ZNF614: variants seen among roughly 807,000 people sequenced by gnomAD.
ZNF614 encodes the protein zinc finger protein 614.
Under a neutral mutation model 12.8 loss-of-function variants are expected in ZNF614, and 11 were observed. The observed-to-expected ratio is 0.86, with a 90% CI of 0.54 to 1.43. The LOEUF is 1.43. Among genes scored for constraint, ZNF614 ranks in the 40% most tolerant of loss-of-function variants. The pLI, the probability that ZNF614 is intolerant of heterozygous loss-of-function variation, is 0.00. For missense variants in ZNF614, 664 were observed against 708.8 expected (o/e 0.94, Z 0.72); for synonymous variants, 237 against 237.5 (o/e 1.00, Z 0.02).
Position 52,015,750 on chromosome 19 carries a change from T to C in ZNF614, c.*90A>G. The C allele has an allele frequency of 8.0e-7, 1 of 1,250,044 alleles. No individual in the cohort carries two copies. The highest frequency in any genetic ancestry group is 1.1e-6 in the Non-Finnish European group (1 of 894,522). The allele number at this position is 1,250,044 out of a possible 1,614,324, so 77.4% of individuals were successfully genotyped here. Reference sequence around the variant, plus strand: ...GCACCATGTTTATGTTCCAATTGGCTAGAAACACACTGATGTTTAATGAAG... The same window carrying C: ...GCACCATGTTTATGTTCCAATTGGCCAGAAACACACTGATGTTTAATGAAG... On this transcript the variant is annotated 3_prime_UTR_variant, in exon 5 of 5. Coordinates refer to ENST00000270649, the MANE Select transcript of ZNF614 (RefSeq NM_025040.4).
rs1306326961 is a variant in ZNF614, at chr19:52,013,809, A to G, written c.*2031T>C. On this transcript the variant is annotated 3_prime_UTR_variant, in exon 5 of 5. Transcript: ENST00000270649. ...CATGTAATACAACTTCTTAGAGTAC[A>G]AACTAAAAAAGAAAAAAACATGTAA... 6.6e-6 allele frequency: 1 copy of G among 152,050 alleles called. No homozygotes were observed. Among genetic ancestry groups the G allele is most frequent in the Non-Finnish European group, 1.5e-5 (1 of 68,040 alleles). 9.4% of individuals were successfully genotyped at this position (152,050 alleles called of 1,614,324 possible).
chr19:52,028,053 C>A (rs112979974), intron 1 of ZNF614, among the ~76,000 whole-genome samples, 189 bp downstream of exon 1: 2 of 152,334 alleles, frequency 1.3e-5, no homozygotes, highest in Non-Finnish European at 2.9e-5. Flanking sequence ...TCACAAGGGC[C>A]CCAGACCCAG....
rs1257329004 is a variant in ZNF614 at position 52,016,702 on chromosome 19, T to C, written c.896A>G (p.Lys299Arg). 1.3e-5 allele frequency: 21 copies of C among 1,614,200 alleles called. No individual in the cohort carries two copies. The highest frequency in any genetic ancestry group is 1.8e-5 in the Non-Finnish European group (21 of 1,180,042). Residue 299 changes from lysine to arginine, a missense_variant, in exon 5 of 5, where the codon AAG (lysine) becomes AGG (arginine). By Grantham distance (26) the Lys-to-Arg change is conservative. Transcript: ENST00000270649. The stretch of plus-strand genomic sequence containing the variant: ...TCGCTGATGAGCAATTAGATAGCGC[T>C]TCATTGTAAAGCCCTTTCCACACTC... ...CSECGKGFTMKRYLIAHQRTH... is the reference protein window; with the variant it reads ...CSECGKGFTMRRYLIAHQRTH...
rs780387130 is a variant in ZNF614 at position 52,018,529 on chromosome 19, A to T, written c.16-35T>A. 1.5e-5 allele frequency: 23 copies of T among 1,584,356 alleles called. No homozygotes were observed. In the South Asian group the frequency reaches 2.5e-4, roughly 17 times the overall value. Reference sequence around the variant, plus strand: ...CAAAGTCCTATTCAATATGATATAAACTCCTATTGTTAATATAGAAGTATA... The same window carrying T: ...CAAAGTCCTATTCAATATGATATAATCTCCTATTGTTAATATAGAAGTATA... On this transcript the variant is annotated intron_variant, in intron 2 of 4. Transcript: ENST00000270649.
Position 52,016,085 on chromosome 19 carries a change from G to A in ZNF614, c.1513C>T (p.His505Tyr). 1 of 1,614,148 alleles carries A rather than the reference G, an allele frequency of 6.2e-7. No individual in the cohort carries two copies. Among genetic ancestry groups the A allele is most frequent in the Non-Finnish European group, 8.5e-7 (1 of 1,180,032 alleles). Residue 505 changes from histidine (H) to tyrosine (Y), a missense_variant, in exon 5 of 5, where the codon CAC becomes TAC. Transcript: ENST00000270649. ...CACTCATAAGGTTTCTCTCCTGTGTGAATTCTCTGATGGGTAATGAGGCCA... is the reference window on the plus strand; with the variant it reads ...CACTCATAAGGTTTCTCTCCTGTGTAAATTCTCTGATGGGTAATGAGGCCA... ...KYGLITHQRI[H>Y]TGEKPYECNE...
chr19:52,026,891 TGA>T (rs2086978562), intron 1 of ZNF614, among the ~76,000 whole-genome samples: 1 of 152,232 alleles, frequency 6.6e-6, no homozygotes, highest in Non-Finnish European at 1.5e-5. Context: ...AACTTATTTA[TGA>T]CACAGAGACC....
At position 52,016,664 on chromosome 19, in the gene ZNF614, C is replaced by T; in HGVS notation, c.934G>A (p.Glu312Lys). 1 of 1,614,208 alleles carries T rather than the reference C, an allele frequency of 6.2e-7. No individual in the cohort carries two copies. The highest frequency in any genetic ancestry group is 8.5e-7 in the Non-Finnish European group (1 of 1,180,042). Reference protein sequence around the residue: ...LIAHQRTHSGEKPYVCKECGK... With the variant: ...LIAHQRTHSGKKPYVCKECGK... ...CATTCTTTGCACACATAAGGTTTCTCTCCACTATGAGTTCGCTGATGAGCA... is the reference window on the plus strand; with the variant it reads ...CATTCTTTGCACACATAAGGTTTCTTTCCACTATGAGTTCGCTGATGAGCA... Residue 312 changes from glutamate to lysine, a missense_variant, in exon 5 of 5, where the codon GAG (glutamate) becomes AAG (lysine). Transcript: ENST00000270649.
chr19:52,026,710 TC>T (rs1461910952), intron 1 of ZNF614, among the ~76,000 whole-genome samples: 1 of 152,208 alleles, frequency 6.6e-6, no homozygotes, highest in African/African-American at 2.4e-5. Context: ...TGTCTCCTCC[TC>T]GTCCCTGGGA....
At chr19:52,019,862 A>G (rs2086922965) in intron 2 of ZNF614, among the ~76,000 whole-genome samples, 1 of 152,224 alleles carries the variant, frequency 6.6e-6, no homozygotes, top group Non-Finnish European at 1.5e-5. Context: ...CCAAGGAAAT[A>G]CTGATAAGAG....
At position 52,016,989 on chromosome 19, in the gene ZNF614, T is replaced by G. The variant is rs1392465001; in HGVS notation, c.609A>C (p.Lys203Asn). Residue 203 changes from lysine (K) to asparagine (N), a missense_variant, in exon 5 of 5, where the codon AAA becomes AAC. Transcript: ENST00000270649. The stretch of plus-strand genomic sequence containing the variant: ...GCTCACATTCAATGCATGCATGGGG[T>G]TTCTCAATTTTCTGAGTCCTCTGAT... The part of the protein sequence containing the change: ...FKHQRTQKIE[K>N]PHACIECEQT... 1 of 1,613,872 alleles carries G rather than the reference T, an allele frequency of 6.2e-7. No individual in the cohort carries two copies.
chr19:52,013,372 T>A lies in ZNF614; in HGVS notation c.*2468A>T. ...ATAGCACTTAAAACCAGGAAAACAG[T>A]GCAAATATATCTCATAGGTGAATGG... On this transcript the variant is annotated 3_prime_UTR_variant, in exon 5 of 5. Coordinates refer to ENST00000270649, the MANE Select transcript of ZNF614 (RefSeq NM_025040.4). 1 of 285,046 alleles carries A rather than the reference T, an allele frequency of 3.5e-6. No homozygotes were observed. Among genetic ancestry groups the A allele is most frequent in the South Asian group, 2.9e-5 (1 of 34,926 alleles). 17.7% of individuals were successfully genotyped at this position (285,046 alleles called of 1,614,324 possible).
intron 1 of ZNF614, among the ~76,000 whole-genome samples, chr19:52,026,289 G>C (rs1290007702): frequency 6.6e-6 from 1 of 152,204 alleles, no homozygotes; most frequent in Non-Finnish European, 1.5e-5. Context: ...ATTTTGTTCT[G>C]TACTAAGAGA....
In ZNF614 at chr19:52,016,110, A is replaced by G. The variant is rs372930850; in HGVS notation, c.1488T>C (p.Tyr496=). 6.8e-6 allele frequency: 11 copies of G among 1,614,032 alleles called. No individual in the cohort carries two copies. The highest frequency in any genetic ancestry group is 6.7e-5 in the East Asian group (3 of 44,854). Reference sequence around the variant, plus strand: ...GAATTCTCTGATGGGTAATGAGGCCATATTTGTGTGAATAGGATTTTCCGC... The same window carrying G: ...GAATTCTCTGATGGGTAATGAGGCCGTATTTGTGTGAATAGGATTTTCCGC... ...TECGKSYSHK[Y]GLITHQRIHT... The change falls in exon 5 of 5, where the codon TAT becomes TAC. Residue 496 remains tyrosine, a synonymous_variant. Coordinates refer to ENST00000270649, the MANE Select transcript of ZNF614 (RefSeq NM_025040.4).
At chr19:52,018,609 A>G (rs1600036313) in intron 2 of ZNF614, 115 bp from the exon 3 acceptor site, 1 of 1,160,486 alleles carries the variant, frequency 8.6e-7, no homozygotes, top group Non-Finnish European at 1.2e-6. Flanking sequence ...TCCTTTCTCA[A>G]ATATACTTTG....
chr19:52,016,174 C>G lies in ZNF614; in HGVS notation c.1424G>C (p.Arg475Thr). ...AAAGGGAGTCTTTCCTGTATGACAT[C>G]TCTCATGTTGTATGAGGCATATTTT... ...SQKICLIQHE[R>T]CHTGKTPFVC... Residue 475 changes from arginine to threonine, a missense_variant, in exon 5 of 5, where the codon AGA becomes ACA. By Grantham distance (71) the Arg-to-Thr change is moderately conservative. Coordinates refer to ENST00000270649, the MANE Select transcript of ZNF614 (RefSeq NM_025040.4). The G allele has an allele frequency of 6.2e-7, 1 of 1,614,188 alleles. No homozygotes were observed. Among genetic ancestry groups the G allele is most frequent in the Non-Finnish European group, 8.5e-7 (1 of 1,180,038 alleles).
rs565619223 is a variant in ZNF614 at position 52,015,664 on chromosome 19, A to G, written c.*176T>C. The G allele has an allele frequency of 7.3e-5, 44 of 605,850 alleles. No homozygotes were observed. In the East Asian group the frequency reaches 1.2e-3, roughly 16 times the overall value. 37.5% of individuals were successfully genotyped at this position (605,850 alleles called of 1,614,324 possible). A position where few individuals can be genotyped will look rare whatever the true frequency, so the allele number is the denominator to read the frequency against. On this transcript the variant is annotated 3_prime_UTR_variant, in exon 5 of 5. Transcript: ENST00000270649. ...CTACCTTATTTACTGTATTCATCAA[A>G]TTGATCTCTAGGGCAAATTATTTCA...
intron 2 of ZNF614, among the ~76,000 whole-genome samples, chr19:52,020,427 A>G (rs2086926199): frequency 6.6e-6 from 1 of 152,240 alleles, no homozygotes; most frequent in African/African-American, 2.4e-5. Flanking sequence ...GAAGGTTCCA[A>G]ACACAAAGCT....
In ZNF614 at chr19:52,016,973, C is replaced by G. The variant is rs770095937; in HGVS notation, c.625G>C (p.Glu209Gln). 7 of 1,613,868 alleles carry G rather than the reference C, an allele frequency of 4.3e-6. No homozygotes were observed. Among genetic ancestry groups the G allele is most frequent in the Non-Finnish European group, 4.2e-6 (5 of 1,180,010 alleles). Reference sequence around the variant, plus strand: ...TTCCTAAGGAAGGTTTGCTCACATTCAATGCATGCATGGGGTTTCTCAATT... The same window carrying G: ...TTCCTAAGGAAGGTTTGCTCACATTGAATGCATGCATGGGGTTTCTCAATT... ...QKIEKPHACI[E>Q]CEQTFLRKSQ... is the part of the protein sequence containing the mutation. The change falls in exon 5 of 5, where the codon GAA becomes CAA. Residue 209 changes from glutamate to glutamine, a missense_variant. Physicochemically the swap from Glu to Gln is conservative, Grantham distance 29 (BLOSUM62 2). Coordinates refer to ENST00000270649, the MANE Select transcript of ZNF614 (RefSeq NM_025040.4).
chr19:52,018,293 C>CTTTGA, intron 3 of ZNF614, 75 bp downstream of exon 3: 1 of 1,607,662 alleles, frequency 6.2e-7, no homozygotes, highest in South Asian at 1.1e-5. Context: ...GACTGTAAAG[C>CTTTGA]TTTGATTAGG....
Sources: gnomAD v4.1 joint callset for allele counts (sites outside exome capture counted in the v4.1 genomes callset) on GRCh38, gnomAD v4.1.1 for gene constraint, MANE v1.5 for transcripts, NCBI Gene and HGNC (gene_info 2026-07-23, HGNC 2026-07-21) for gene names.